Variants in ST3GAL3 observed in about 807,000 individuals in gnomAD.
ST3GAL3 encodes CMP-N-acetylneuraminate-beta-1,4-galactoside alpha-2,3-sialyltransferase.
A neutral mutation model predicts 50.1 loss-of-function variants in ST3GAL3; 21 were observed. The ratio of observed to expected loss-of-function variants is 0.42; its 90% CI spans 0.30 to 0.60. The LOEUF (loss-of-function observed/expected upper bound fraction) is 0.60. Among genes scored for constraint, ST3GAL3 ranks in the 20% least tolerant of loss-of-function variants. ST3GAL3 has a pLI of 0.19. For missense variants in ST3GAL3, 353 were observed against 489.4 expected, an observed-to-expected ratio of 0.72 and a Z score of 2.63; for synonymous variants, 183 against 190.0, an observed-to-expected ratio of 0.96 and a Z score of 0.30.
At chr1:43,919,095 T>TTTTG (rs869098066) in intron 9 of ST3GAL3, 2 of 139,312 alleles carry the variant, frequency 1.4e-5, no homozygotes, top group Admixed American at 7.2e-5. Flanking sequence ...TTTTTTTTTT[T>TTTTG]GAGACAGAGT....
At chr1:43,729,790 T>A (rs1248189026) in intron 1 of ST3GAL3, among the ~76,000 whole-genome samples, 1 of 152,258 alleles carries the variant, frequency 6.6e-6, no homozygotes, top group Non-Finnish European at 1.5e-5. Context: ...TTACAAATAG[T>A]GCTACAATAA....
intron 5 of ST3GAL3, among the ~76,000 whole-genome samples, chr1:43,855,568 C>CCATT (rs773663951): frequency 5.9e-5 from 9 of 151,662 alleles, no homozygotes; most frequent in Non-Finnish European, 1.0e-4. Flanking sequence ...CGAGATCACA[C>CCATT]CATTGCATTC....
intron 2 of ST3GAL3, among the ~76,000 whole-genome samples, chr1:43,785,328 ATG>A (rs2057169129): frequency 6.6e-6 from 1 of 152,156 alleles, no homozygotes; most frequent in African/African-American, 2.4e-5. Context: ...TGGAGGAGAC[ATG>A]TGTTGCTCAG....
At chr1:43,763,062 A>C (rs1260510400) in intron 2 of ST3GAL3, among the ~76,000 whole-genome samples, 1 of 152,210 alleles carries the variant, frequency 6.6e-6, no homozygotes. Context: ...TTGCAAAATG[A>C]TATATGCACA....
chr1:43,810,917 A>G (rs1241326512), intron 3 of ST3GAL3, among the ~76,000 whole-genome samples: 1 of 149,630 alleles, frequency 6.7e-6, no homozygotes. Context: ...ACTTTCGGTC[A>G]CCCCTGAGAC....
At chr1:43,724,351 C>T (rs956806811) in intron 1 of ST3GAL3, among the ~76,000 whole-genome samples, 1 of 151,604 alleles carries the variant, frequency 6.6e-6, no homozygotes, top group Non-Finnish European at 1.5e-5. Flanking sequence ...GCTGGGACTA[C>T]AGGCCCTCAC....
chr1:43,890,986 T>C (rs2076609408), intron 5 of ST3GAL3, among the ~76,000 whole-genome samples: 1 of 152,224 alleles, frequency 6.6e-6, no homozygotes, highest in African/African-American at 2.4e-5. Context: ...AATATGTGTA[T>C]GTCCTAGTTT....
chr1:43,764,410 C>T (rs1274311665), intron 2 of ST3GAL3, among the ~76,000 whole-genome samples: 1 of 151,940 alleles, frequency 6.6e-6, no homozygotes, highest in Non-Finnish European at 1.5e-5. Context: ...GGTAGAGTCG[C>T]GCAACACAAT....
chr1:43,875,524 A>G (rs182488921), intron 5 of ST3GAL3, among the ~76,000 whole-genome samples: 2 of 152,232 alleles, frequency 1.3e-5, no homozygotes, highest in Admixed American at 1.3e-4. Context: ...CCCACGTGTC[A>G]TGGGAGGAAC....
At chr1:43,865,076 G>T (rs1474068059) in intron 5 of ST3GAL3, among the ~76,000 whole-genome samples, 1 of 151,452 alleles carries the variant, frequency 6.6e-6, no homozygotes, top group African/African-American at 2.4e-5. Context: ...GAGTGCAGTG[G>T]CGCGATCTCG....
intron 4 of ST3GAL3, among the ~76,000 whole-genome samples, chr1:43,823,724 T>G (rs2062411328): frequency 6.6e-6 from 1 of 152,250 alleles, no homozygotes; most frequent in African/African-American, 2.4e-5. Flanking sequence ...CCAAAACCAG[T>G]ATCTACTGTA....
At chr1:43,730,914 A>C (rs183796549) in intron 1 of ST3GAL3, among the ~76,000 whole-genome samples, 93 of 152,336 alleles carry the variant, frequency 6.1e-4, no homozygotes, top group African/African-American at 2.2e-3. Context: ...AAACATTAAA[A>C]ATAAATATAT....
At chr1:43,856,805 C>T (rs1390403513) in intron 5 of ST3GAL3, among the ~76,000 whole-genome samples, 4 of 152,218 alleles carry the variant, frequency 2.6e-5, no homozygotes, top group African/African-American at 9.6e-5. Context: ...CACATCTTGT[C>T]TGAGCTTACT....
chr1:43,917,573 ATATAT>A (rs2082152054), intron 9 of ST3GAL3, among the ~76,000 whole-genome samples: 1 of 81,108 alleles, frequency 1.2e-5, no homozygotes, highest in African/African-American at 5.1e-5. Flanking sequence ...ATATTATATA[ATATAT>A]TACGTATTAT....
At chr1:43,829,303 T>G (rs2063225892) in intron 4 of ST3GAL3, among the ~76,000 whole-genome samples, 1 of 152,212 alleles carries the variant, frequency 6.6e-6, no homozygotes, top group Admixed American at 6.5e-5. Flanking sequence ...TGTTTAAGGA[T>G]TAACAATAAT....
At chr1:43,711,676 A>G (rs1401105024) in intron 1 of ST3GAL3, among the ~76,000 whole-genome samples, 1 of 152,222 alleles carries the variant, frequency 6.6e-6, no homozygotes, top group Non-Finnish European at 1.5e-5. Context: ...GTAAATGCTC[A>G]CAGGCCAAGG....
chr1:43,797,121 A>C (rs1268598465), intron 3 of ST3GAL3, among the ~76,000 whole-genome samples: 1 of 152,138 alleles, frequency 6.6e-6, no homozygotes, highest in Non-Finnish European at 1.5e-5. Context: ...CCAGGAATTC[A>C]AGGCTGCAGT....
intron 3 of ST3GAL3, 52 bp from the exon 4 acceptor site, chr1:43,814,839 T>G: frequency 6.4e-7 from 1 of 1,572,698 alleles, no homozygotes; most frequent in Non-Finnish European, 8.8e-7. Context: ...TGCAATATGC[T>G]AGTATCATCA....
At chr1:43,871,273 C>A (rs1437925696) in intron 5 of ST3GAL3, among the ~76,000 whole-genome samples, 1 of 152,200 alleles carries the variant, frequency 6.6e-6, no homozygotes, top group African/African-American at 2.4e-5. Flanking sequence ...TGCACTGTAA[C>A]AACGAGGGGA....
Sources: gnomAD v4.1 joint callset for allele counts (sites outside exome capture counted in the v4.1 genomes callset) on GRCh38, gnomAD v4.1.1 for gene constraint, MANE v1.5 for transcripts, NCBI Gene and HGNC (gene_info 2026-07-23, HGNC 2026-07-21) for gene names.